Variants in MPP7 observed in about 807,000 individuals in gnomAD.
The protein encoded by MPP7 is MAGUK p55 scaffold protein 7.
In MPP7, 60 loss-of-function variants were observed where a neutral mutation model predicts 76.5. The observed-to-expected ratio is 0.78, with a 90% confidence interval of 0.64 to 0.97. The LOEUF (loss-of-function observed/expected upper bound fraction) is 0.97. MPP7 is among the 50% of genes least tolerant of loss of function. The pLI is 0.00. For missense variants in MPP7, 641 were observed against 694.0 expected, an observed-to-expected ratio of 0.92 and a Z score of 0.86; for synonymous variants, 237 against 244.5, an observed-to-expected ratio of 0.97 and a Z score of 0.29.
At chr10:28,331,991 A>G (rs145209850) in intron 1 of MPP7, among the ~76,000 whole-genome samples, 1 of 152,236 alleles carries the variant, frequency 6.6e-6, no homozygotes, top group East Asian at 1.9e-4. Flanking sequence ...TAGAAATTGT[A>G]TTTCTGCCCT....
At chr10:28,165,173 C>G (rs1025240202) in intron 3 of MPP7, among the ~76,000 whole-genome samples, 1 of 152,080 alleles carries the variant, frequency 6.6e-6, no homozygotes, top group South Asian at 2.1e-4. Context: ...ATCCAAATCG[C>G]CCGAGCCTGT....
chr10:28,167,338 CAAACAA>C (rs1186157304), intron 3 of MPP7, among the ~76,000 whole-genome samples: 3 of 103,880 alleles, frequency 2.9e-5, no homozygotes, highest in Non-Finnish European at 6.5e-5. Flanking sequence ...AACAAACAAA[CAAACAA>C]AACACTCAAA....
rs374401450 is a variant in MPP7, at chr10:28,155,718, CG to C, written c.157-5660del. 3.3e-5 allele frequency among the ~76,000 whole-genome samples: 5 copies of C among 151,980 alleles called. No homozygotes were observed. In the East Asian group the frequency reaches 7.7e-4, roughly 24 times the overall value. On this transcript the variant is annotated intron_variant, in intron 3 of 16. Coordinates refer to ENST00000683449, the MANE Select transcript of MPP7 (RefSeq NM_001318170.2). ...GGAGGAAGGGAGGTAGCAGGTAAGA[CG>C]AGGAACAGAAAACCTGTTAGGAGGA...
intron 3 of MPP7, among the ~76,000 whole-genome samples, chr10:28,181,666 T>C (rs1837063723): frequency 6.6e-6 from 1 of 152,228 alleles, no homozygotes; most frequent in Non-Finnish European, 1.5e-5. Flanking sequence ...CTTGAACACC[T>C]ACTACGCTTT....
In MPP7 at chr10:28,109,848, C is replaced by CAAAAAAAAAAAAAAAAA. The variant is rs869206744; in HGVS notation, c.952+9786_952+9802dup. ...ACAGTTAGAAGGCCAGCCGCAGACG[C>CAAAAAAAAAAAAAAAAA]AAAAAAAAAAAAAAAAAAAAAAAAA... On this transcript the variant is annotated intron_variant, in intron 11 of 16. Transcript: ENST00000683449. Among the ~76,000 whole-genome samples the CAAAAAAAAAAAAAAAAA allele has an allele frequency of 4.2e-4, 8 of 19,218 alleles. 1 individual carries two copies. Among genetic ancestry groups the CAAAAAAAAAAAAAAAAA allele is most frequent in the East Asian group, 1.7e-3 (2 of 1,152 alleles). 12.6% of individuals were successfully genotyped at this position (19,218 alleles called of 152,430 possible).
At chr10:28,235,156 C>T (rs760796315) in intron 2 of MPP7, among the ~76,000 whole-genome samples, 11 of 150,930 alleles carry the variant, frequency 7.3e-5, no homozygotes, top group South Asian at 2.1e-4. Flanking sequence ...TAATGAGAGA[C>T]GACAACTAAA....
intron 2 of MPP7, among the ~76,000 whole-genome samples, chr10:28,220,680 G>T (rs1838472036): frequency 6.6e-6 from 1 of 152,180 alleles, no homozygotes; most frequent in South Asian, 2.1e-4. Flanking sequence ...ATTGGTCATG[G>T]CAAGAGAAAC....
At chr10:28,095,938 G>A (rs1295819024) in intron 11 of MPP7, among the ~76,000 whole-genome samples, 1 of 152,174 alleles carries the variant, frequency 6.6e-6, no homozygotes, top group African/African-American at 2.4e-5. Context: ...GGAACGGCAC[G>A]TTTAGTTTAT....
In MPP7 at chr10:28,289,075, G is replaced by A. The variant is rs184610877; in HGVS notation, c.-132+13786C>T. On this transcript the variant is annotated intron_variant, in intron 1 of 16. Transcript: ENST00000683449. Reference sequence around the variant, plus strand: ...AGCACTTTGGGAGGCCGAGGTGGGCGGATCATTTGAGGTCAGGAGTTCGAG... The same window carrying A: ...AGCACTTTGGGAGGCCGAGGTGGGCAGATCATTTGAGGTCAGGAGTTCGAG... Among the ~76,000 whole-genome samples, 27 of 152,196 alleles carry A rather than the reference G, an allele frequency of 1.8e-4. 1 individual carries two copies. The East Asian group carries it at 4.1e-3, about 23-fold the overall frequency.
intron 12 of MPP7, among the ~76,000 whole-genome samples, chr10:28,083,415 C>T (rs182097568): frequency 1.1e-4 from 17 of 152,198 alleles, no homozygotes; most frequent in African/African-American, 4.1e-4. Context: ...GCTGAAATTT[C>T]CAAGCCTCCA....
At chr10:28,058,952 G>A (rs1198408195) in intron 14 of MPP7, among the ~76,000 whole-genome samples, 1 of 152,130 alleles carries the variant, frequency 6.6e-6, no homozygotes, top group Non-Finnish European at 1.5e-5. Flanking sequence ...TTCATTGCAC[G>A]CTACGGAGTA....
intron 11 of MPP7, among the ~76,000 whole-genome samples, chr10:28,108,961 G>A (rs1834411450): frequency 6.6e-6 from 1 of 152,000 alleles, no homozygotes; most frequent in Non-Finnish European, 1.5e-5. Context: ...TACTTAGGAG[G>A]AGGCTGTGGG....
At chr10:28,272,722 C>G (rs1840364277) in intron 1 of MPP7, among the ~76,000 whole-genome samples, 1 of 151,758 alleles carries the variant, frequency 6.6e-6, no homozygotes, top group Admixed American at 6.6e-5. Context: ...TGTATATAAA[C>G]TCTTAGTTTA....
chr10:28,294,151 C>CA (rs930131417), intron 1 of MPP7, among the ~76,000 whole-genome samples: 6 of 152,174 alleles, frequency 3.9e-5, no homozygotes, highest in Non-Finnish European at 5.9e-5. Context: ...ACTAAAAATA[C>CA]AAAAAAATTA....
At chr10:28,102,714 T>C (rs757670362) in intron 11 of MPP7, among the ~76,000 whole-genome samples, 5 of 152,178 alleles carry the variant, frequency 3.3e-5, no homozygotes, top group Non-Finnish European at 5.9e-5. Flanking sequence ...GTTTGCCACT[T>C]TGTAGGGAAA....
chr10:28,286,439 C>T (rs1840793899), intron 1 of MPP7, among the ~76,000 whole-genome samples: 1 of 152,152 alleles, frequency 6.6e-6, no homozygotes, highest in Non-Finnish European at 1.5e-5. Flanking sequence ...CACAGCTGAG[C>T]CAAGAAGTAA....
chr10:28,281,608 C>CTGTT (rs1840674162), intron 1 of MPP7, among the ~76,000 whole-genome samples: 1 of 152,038 alleles, frequency 6.6e-6, no homozygotes, highest in South Asian at 2.1e-4. Context: ...TATTTACCAA[C>CTGTT]AATACTGTTA....
At chr10:28,179,525 TAATA>T (rs1836991321) in intron 3 of MPP7, among the ~76,000 whole-genome samples, 1 of 152,218 alleles carries the variant, frequency 6.6e-6, no homozygotes, top group East Asian at 1.9e-4. Context: ...ACATTAATAA[TAATA>T]AATACCTCTA....
Position 28,182,800 on chromosome 10 carries a change from G to A in MPP7, c.156+19353C>T, listed in dbSNP as rs369768262. On this transcript the variant is annotated intron_variant, in intron 3 of 16. Transcript: ENST00000683449. ...GTTAAGCAAAAGAGCAAATTGAGCCGGGTGCAGTGGCTCACGCCTGTAATC... is the reference window on the plus strand; with the variant it reads ...GTTAAGCAAAAGAGCAAATTGAGCCAGGTGCAGTGGCTCACGCCTGTAATC... Among the ~76,000 whole-genome samples the A allele has an allele frequency of 4.2e-4, 64 of 152,290 alleles. 1 individual carries two copies. The highest frequency in any genetic ancestry group is 3.0e-3 in the Admixed American group (46 of 15,298).
Sources: gnomAD v4.1 joint callset for allele counts (sites outside exome capture counted in the v4.1 genomes callset) on GRCh38, gnomAD v4.1.1 for gene constraint, MANE v1.5 for transcripts, NCBI Gene and HGNC (gene_info 2026-07-23, HGNC 2026-07-21) for gene names.